KCNK16: variants seen among roughly 807,000 people sequenced by gnomAD.
KCNK16 encodes potassium two pore domain channel subfamily K member 16.
A neutral mutation model predicts 23.0 loss-of-function variants in KCNK16; 23 were observed. The observed-to-expected ratio is 1.00, with a 90% confidence interval of 0.72 to 1.41. KCNK16 has a LOEUF of 1.41. Ranked by LOEUF, KCNK16 falls within the 40% of genes most tolerant of loss-of-function variation. KCNK16 has a pLI of 0.00. For missense variants in KCNK16, 327 were observed against 365.8 expected, an observed-to-expected ratio of 0.89 and a Z score of 0.87; for synonymous variants, 145 against 153.5, an observed-to-expected ratio of 0.94 and a Z score of 0.41.
At chr6:39,318,083 T>G in intron 2 of KCNK16, 131 bp from the exon 3 acceptor site, 1 of 821,600 alleles carries the variant, frequency 1.2e-6, no homozygotes, top group Non-Finnish European at 1.8e-6. Flanking sequence ...CCTGTTCCCA[T>G]GAACTCTGCT....
downstream of KCNK16, among the ~76,000 whole-genome samples, chr6:39,315,620 A>C (rs116090174): frequency 7.5e-3 from 1,146 of 152,234 alleles, 14 homozygotes; most frequent in African/African-American, 0.025. Flanking sequence ...ATTGTTCCAA[A>C]GTCTCTGCCC....
intron 3 of KCNK16, among the ~76,000 whole-genome samples, 189 bp from the exon 4 acceptor site, chr6:39,317,136 C>T (rs570065763): frequency 1.3e-5 from 2 of 152,268 alleles, no homozygotes; most frequent in Admixed American, 6.5e-5. Flanking sequence ...GGAAAGATTT[C>T]GGCAGAGGGA....
At chr6:39,314,730 G>A, downstream of KCNK16, 1 of 470,768 alleles carries the variant, frequency 2.1e-6, no homozygotes, top group Non-Finnish European at 3.7e-6. Context: ...TTATTGTCTT[G>A]GGGCCCCTGC....
intron 1 of KCNK16, 99 bp downstream of exon 1, chr6:39,322,229 C>A (rs1033546198): frequency 4.1e-5 from 61 of 1,496,916 alleles, no homozygotes; most frequent in Non-Finnish European, 5.3e-5. Flanking sequence ...CCAAATGGGG[C>A]ATCAGCTCCT....
chr6:39,315,399 G>C, downstream of KCNK16: 1 of 1,551,320 alleles, frequency 6.4e-7, no homozygotes, highest in Non-Finnish European at 8.7e-7. Context: ...GAAGGCAGGA[G>C]CCCAGAGGGA....
chr6:39,322,601 G>T lies in KCNK16; in HGVS notation c.-61C>A. 1.3e-6 allele frequency: 2 copies of T among 1,519,882 alleles called. No homozygotes were observed. Among genetic ancestry groups the T allele is most frequent in the African/African-American group, 2.7e-5 (2 of 72,946 alleles). The allele number at this position is 1,519,882 out of a possible 1,614,324, so 94.1% of individuals were successfully genotyped here. On this transcript the variant is annotated 5_prime_UTR_variant, in exon 1 of 5. Coordinates refer to ENST00000437525, the MANE Select transcript of KCNK16 (RefSeq NM_001135106.2). Reference sequence around the variant, plus strand: ...GCTATGGGGGAGAGGTGGGAAACAGGTGAGGAGTAAGCACCTAGGGGCCTG... The same window carrying T: ...GCTATGGGGGAGAGGTGGGAAACAGTTGAGGAGTAAGCACCTAGGGGCCTG...
chr6:39,315,148 C>A (rs368157180), downstream of KCNK16: 1 of 1,614,250 alleles, frequency 6.2e-7, no homozygotes. Context: ...AGGAACCCAG[C>A]CACATAGGAG....
downstream of KCNK16, chr6:39,315,234 C>G: frequency 6.2e-7 from 1 of 1,612,298 alleles, no homozygotes; most frequent in South Asian, 1.1e-5. Context: ...CTAAATCTCT[C>G]CTGGTCAGGG....
rs529874442 is a variant in KCNK16, at chr6:39,316,180, G to A, written c.*39C>T. On this transcript the variant is annotated 3_prime_UTR_variant, in exon 5 of 5. Coordinates refer to ENST00000437525, the MANE Select transcript of KCNK16 (RefSeq NM_001135106.2). ...CCAGAGAGCAGATAGGGTGGGACTG[G>A]GGAGGATGAAAGGGGTTTCTGGGCC... 2.6e-5 allele frequency: 39 copies of A among 1,485,076 alleles called. No individual in the cohort carries two copies. In the Middle Eastern group the frequency reaches 7.4e-4, roughly 28 times the overall value. 92.0% of individuals were successfully genotyped at this position (1,485,076 alleles called of 1,614,324 possible). A position where few individuals can be genotyped will look rare whatever the true frequency, so the allele number is the denominator to read the frequency against.
chr6:39,315,268 G>A, downstream of KCNK16: 7 of 1,589,888 alleles, frequency 4.4e-6, no homozygotes, highest in Non-Finnish European at 6.0e-6. Flanking sequence ...GCAGGGGAAA[G>A]GCCAGACCTG....
intron 2 of KCNK16, 91 bp from the exon 3 acceptor site, chr6:39,318,043 C>T: frequency 2.3e-6 from 3 of 1,316,994 alleles, no homozygotes; most frequent in Non-Finnish European, 3.1e-6. Context: ...TTGTCTGTCA[C>T]CACCTCTGGG....
intron 1 of KCNK16, among the ~76,000 whole-genome samples, chr6:39,321,582 G>A (rs1046736164): frequency 2.6e-5 from 4 of 152,250 alleles, no homozygotes; most frequent in Non-Finnish European, 5.9e-5. Context: ...CACTTGGTCT[G>A]TTCCTTTGCA....
At chr6:39,316,587 G>C (rs774195754) in intron 4 of KCNK16, 145 bp from the exon 5 acceptor site, 1 of 1,224,718 alleles carries the variant, frequency 8.2e-7, no homozygotes, top group Non-Finnish European at 1.1e-6. Context: ...CTGCAGGGTG[G>C]TGATGGGTCC....
In KCNK16 at chr6:39,316,956, G is replaced by A. The variant is rs763953714; in HGVS notation, c.496-9C>T. On this transcript the variant is annotated splice_polypyrimidine_tract_variant and intron_variant, in intron 3 of 4. Coordinates refer to ENST00000437525, the MANE Select transcript of KCNK16 (RefSeq NM_001135106.2). ...CCCAGGACTTGCAGTACCTAGGAGG[G>A]AGGGAGTTGGCCTCTGAGTCCACTT... 1 of 1,605,402 alleles carries A rather than the reference G, an allele frequency of 6.2e-7. No homozygotes were observed. Among genetic ancestry groups the A allele is most frequent in the Admixed American group, 1.7e-5 (1 of 58,864 alleles).
At position 39,319,000 on chromosome 6, in the gene KCNK16, C is replaced by G. The variant is rs1417548724; in HGVS notation, c.328+19G>C. 5 of 1,552,552 alleles carry G rather than the reference C, an allele frequency of 3.2e-6. No individual in the cohort carries two copies. The highest frequency in any genetic ancestry group is 4.4e-6 in the Non-Finnish European group (5 of 1,123,750). On this transcript the variant is annotated intron_variant, in intron 2 of 4. Coordinates refer to ENST00000437525, the MANE Select transcript of KCNK16 (RefSeq NM_001135106.2). ...AGACAGGGGCCTTGGGGAAGCTCTT[C>G]TCTACCCCAGCCCTTTACCTATGGT...
chr6:39,317,243 G>GT (rs1477749297), intron 3 of KCNK16, among the ~76,000 whole-genome samples: 3 of 152,218 alleles, frequency 2.0e-5, no homozygotes, highest in African/African-American at 4.8e-5. Flanking sequence ...GAACAGAAAA[G>GT]TATCATTGAA....
chr6:39,317,782 A>C lies in KCNK16; in HGVS notation c.495+4T>G. ...CAGGCCTGTAAGGGAGTTAGGGGGCATACCTGGGAGCGCCTGGGACGGTCC... is the reference window on the plus strand; with the variant it reads ...CAGGCCTGTAAGGGAGTTAGGGGGCCTACCTGGGAGCGCCTGGGACGGTCC... On this transcript the variant is annotated splice_donor_region_variant and intron_variant, in intron 3 of 4. Transcript: ENST00000437525. 1 of 1,583,782 alleles carries C rather than the reference A, an allele frequency of 6.3e-7. No homozygotes were observed. The highest frequency in any genetic ancestry group is 8.6e-7 in the Non-Finnish European group (1 of 1,165,092).
At chr6:39,317,006 T>C (rs1762344413) in intron 3 of KCNK16, 59 bp from the exon 4 acceptor site, 2 of 1,534,620 alleles carry the variant, frequency 1.3e-6, no homozygotes, top group Admixed American at 1.9e-5. Context: ...TTGTATGAGG[T>C]TGGGGGGAGT....
chr6:39,322,750 C>T (rs1013491781), upstream of KCNK16: 41 of 656,218 alleles, frequency 6.2e-5, no homozygotes, highest in East Asian at 5.3e-4. Flanking sequence ...GCAAACAGGC[C>T]GGCCACCCCC....
Sources: gnomAD v4.1 joint callset for allele counts (sites outside exome capture counted in the v4.1 genomes callset) on GRCh38, gnomAD v4.1.1 for gene constraint, MANE v1.5 for transcripts, NCBI Gene and HGNC (gene_info 2026-07-23, HGNC 2026-07-21) for gene names.